The following AGO3 variants were observed in gnomAD, a reference collection of about 807,000 sequenced individuals.
AGO3 encodes the protein argonaute RISC catalytic component 3, also known as protein argonaute-3.
AGO3 carries 16 observed loss-of-function variants against 105.5 expected under a neutral mutation model. The ratio of observed to expected loss-of-function variants is 0.15; its 90% CI spans 0.10 to 0.23. The LOEUF (loss-of-function observed/expected upper bound fraction) is 0.23. Among genes scored for constraint, AGO3 ranks in the 10% least tolerant of loss-of-function variants. The probability of loss-of-function intolerance (pLI) is 1.00; values close to 1 mark genes in which losing one functional copy is unlikely to be tolerated. For missense variants in AGO3, 534 were observed against 1,088.0 expected (o/e 0.49, Z 7.16); for synonymous variants, 340 against 367.3 (o/e 0.93, Z 0.85).
At chr1:35,969,648 T>C (rs1022690094) in intron 3 of AGO3, among the ~76,000 whole-genome samples, 8 of 152,184 alleles carry the variant, frequency 5.3e-5, no homozygotes, top group African/African-American at 1.9e-4. Context: ...CAATCCTGCA[T>C]CACCTAAAAC....
intron 11 of AGO3, among the ~76,000 whole-genome samples, chr1:36,017,388 C>T (rs1032206320): frequency 2.6e-5 from 4 of 152,318 alleles, no homozygotes; most frequent in South Asian, 4.1e-4. Flanking sequence ...TGTATTCCTC[C>T]ATGTTCAATA....
rs149105498 is a variant in AGO3, at chr1:35,979,295, C to T, written c.658+5784C>T. 2.7e-4 allele frequency among the ~76,000 whole-genome samples: 41 copies of T among 151,822 alleles called. No homozygotes were observed. In the East Asian group the frequency reaches 7.0e-3, roughly 26 times the overall value. On this transcript the variant is annotated intron_variant, in intron 5 of 18. Transcript: ENST00000373191. ...AGGAGAATGGCGTGAACCCAGGAGGCGGAGCTTGCAGTGAGCCGAGATCGC... is the reference window on the plus strand; with the variant it reads ...AGGAGAATGGCGTGAACCCAGGAGGTGGAGCTTGCAGTGAGCCGAGATCGC...
At chr1:35,962,443 T>TGAGGCAG (rs1157493626) in intron 2 of AGO3, among the ~76,000 whole-genome samples, 17 of 151,002 alleles carry the variant, frequency 1.1e-4, no homozygotes, top group African/African-American at 4.2e-4. Flanking sequence ...CTCGGGAGGC[T>TGAGGCAG]GAGGCAGGAG....
In AGO3 at chr1:35,972,188, T is replaced by G. The variant is rs1329543193; in HGVS notation, c.477T>G (p.Pro159=). ...LELDKPISTN[P]VHAVDVVLRH... is the part of the protein sequence containing the mutation. ...TAGACAAGCCAATCAGCACTAACCC[T>G]GTCCATGCCGTTGATGTGGTGCTAC... is the stretch of plus-strand genomic sequence containing the variant. The change falls in exon 4 of 19, where the codon CCT becomes CCG. Residue 159 remains proline (P), a synonymous_variant. Coordinates refer to ENST00000373191, the MANE Select transcript of AGO3 (RefSeq NM_024852.4). The G allele has an allele frequency of 6.2e-7, 1 of 1,614,082 alleles. No homozygotes were observed. Among genetic ancestry groups the G allele is most frequent in the East Asian group, 2.2e-5 (1 of 44,880 alleles).
intron 3 of AGO3, among the ~76,000 whole-genome samples, chr1:35,968,394 T>A (rs1044871498): frequency 2.6e-5 from 4 of 152,224 alleles, no homozygotes; most frequent in Admixed American, 2.6e-4. Flanking sequence ...ATTGTCTTTA[T>A]CTTTCAAAAC....
rs930986335 is a variant in AGO3 at position 35,991,272 on chromosome 1, C to T, written c.659-13069C>T. Among the ~76,000 whole-genome samples the T allele has an allele frequency of 6.6e-5, 10 of 151,962 alleles. No homozygotes were observed. In the South Asian group the frequency reaches 8.3e-4, roughly 13 times the overall value. ...ATCGCGCCACTGCACCCAGCTTGGGCGACAGAGTGAGACTCCATCTCCAAA... is the reference window on the plus strand; with the variant it reads ...ATCGCGCCACTGCACCCAGCTTGGGTGACAGAGTGAGACTCCATCTCCAAA... On this transcript the variant is annotated intron_variant, in intron 5 of 18. Transcript: ENST00000373191.
chr1:35,936,271 A>G (rs749956150), intron 1 of AGO3, among the ~76,000 whole-genome samples: 30 of 152,096 alleles, frequency 2.0e-4, no homozygotes, highest in Admixed American at 3.3e-4. Flanking sequence ...AAAAAAACCA[A>G]CTATTGAGAT....
intron 5 of AGO3, among the ~76,000 whole-genome samples, chr1:35,983,706 A>G (rs1647102912): frequency 1.3e-5 from 2 of 152,224 alleles, no homozygotes; most frequent in African/African-American, 4.8e-5. Flanking sequence ...ACTGGCTCCC[A>G]AGAAGGTCAT....
chr1:35,942,829 A>G (rs1228520283), intron 1 of AGO3, among the ~76,000 whole-genome samples: 2 of 151,518 alleles, frequency 1.3e-5, no homozygotes, highest in Non-Finnish European at 2.9e-5. Flanking sequence ...AATCTGCACA[A>G]CTCTTTTCAT....
Position 36,008,399 on chromosome 1 carries a change from A to G in AGO3, c.794-291A>G, listed in dbSNP as rs561925227. Reference sequence around the variant, plus strand: ...GAATTTATTATAAACAGGATTTTTTATTAATGGAAGATTTTGGCCCTTGAT... The same window carrying G: ...GAATTTATTATAAACAGGATTTTTTGTTAATGGAAGATTTTGGCCCTTGAT... On this transcript the variant is annotated intron_variant, in intron 6 of 18. Coordinates refer to ENST00000373191, the MANE Select transcript of AGO3 (RefSeq NM_024852.4). The surrounding 1 kb of genome is among the most constrained non-coding windows in gnomAD (Gnocchi z 5.1). 1.2e-4 allele frequency among the ~76,000 whole-genome samples: 19 copies of G among 152,238 alleles called. No individual in the cohort carries two copies. The highest frequency in any genetic ancestry group is 4.1e-4 in the African/African-American group (17 of 41,542).
chr1:35,948,281 G>A (rs968089012), intron 2 of AGO3, among the ~76,000 whole-genome samples: 3 of 149,922 alleles, frequency 2.0e-5, no homozygotes, highest in Non-Finnish European at 4.4e-5. Context: ...GCAATGGCGC[G>A]ATTTCCGCTC....
At position 36,058,483 on chromosome 1, in the gene AGO3, G is replaced by A. The variant is rs946015106; in HGVS notation, c.*2738G>A. ...GTTCAGAGTATAGATACTACAGATT[G>A]TTTCCAGTGGGCATTGTTGTTAGCC... On this transcript the variant is annotated 3_prime_UTR_variant, in exon 19 of 19. Transcript: ENST00000373191. The A allele has an allele frequency of 7.4e-5, 11 of 147,730 alleles. No individual in the cohort carries two copies. The highest frequency in any genetic ancestry group is 2.5e-4 in the African/African-American group (10 of 39,878). The allele number at this position is 147,730 out of a possible 1,614,324, so 9.2% of individuals were successfully genotyped here.
rs375799510 is a variant in AGO3, at chr1:35,934,012, G to A, written c.19+2567G>A. Reference sequence around the variant, plus strand: ...AGAACTTTGATTTAACAAAAAAAAAGGTGAAATTAGTTAAAAATTAATCAA... The same window carrying A: ...AGAACTTTGATTTAACAAAAAAAAAAGTGAAATTAGTTAAAAATTAATCAA... On this transcript the variant is annotated intron_variant, in intron 1 of 18. Coordinates refer to ENST00000373191, the MANE Select transcript of AGO3 (RefSeq NM_024852.4). Among the ~76,000 whole-genome samples the A allele has an allele frequency of 1.1e-4, 17 of 152,148 alleles. No homozygotes were observed. In the East Asian group the frequency reaches 1.5e-3, roughly 14 times the overall value.
At chr1:35,990,989 C>T (rs1458632567) in intron 5 of AGO3, among the ~76,000 whole-genome samples, 1 of 152,068 alleles carries the variant, frequency 6.6e-6, no homozygotes, top group African/African-American at 2.4e-5. Context: ...CTTACCCAGG[C>T]GGGCTATCTT....
At chr1:35,954,856 T>TA (rs958414839) in intron 2 of AGO3, among the ~76,000 whole-genome samples, 14 of 152,180 alleles carry the variant, frequency 9.2e-5, no homozygotes, top group African/African-American at 3.4e-4. Flanking sequence ...AAAGGTACAG[T>TA]AAAAATATAT....
At chr1:36,011,057 G>T (rs1191700657) in intron 9 of AGO3, among the ~76,000 whole-genome samples, 2 of 152,076 alleles carry the variant, frequency 1.3e-5, no homozygotes, top group Non-Finnish European at 2.9e-5. Context: ...GAAGGAAGGC[G>T]TTACCAATAC....
chr1:35,933,101 A>G (rs1303825830), intron 1 of AGO3, among the ~76,000 whole-genome samples: 2 of 152,196 alleles, frequency 1.3e-5, no homozygotes. Context: ...ATGGATACCC[A>G]TTTAGCTGTC....
rs1399576133 is a variant in AGO3 at position 36,058,003 on chromosome 1, A to G, written c.*2258A>G. Reference sequence around the variant, plus strand: ...AGAAAAAAAAATCATAATGAAAATGAAGTGAAATTGCCTAAATGAGTCCAA... The same window carrying G: ...AGAAAAAAAAATCATAATGAAAATGGAGTGAAATTGCCTAAATGAGTCCAA... On this transcript the variant is annotated 3_prime_UTR_variant, in exon 19 of 19. Transcript: ENST00000373191. 1 of 152,226 alleles carries G rather than the reference A, an allele frequency of 6.6e-6. No homozygotes were observed. Among genetic ancestry groups the G allele is most frequent in the Non-Finnish European group, 1.5e-5 (1 of 68,050 alleles). 9.4% of individuals were successfully genotyped at this position (152,226 alleles called of 1,614,324 possible).
chr1:36,050,695 G>T (rs1642677913), intron 17 of AGO3, among the ~76,000 whole-genome samples: 1 of 151,196 alleles, frequency 6.6e-6, no homozygotes, highest in African/African-American at 2.4e-5. Flanking sequence ...AAGAGGCTGA[G>T]GCAGGAGAAT....
Sources: gnomAD v4.1 joint callset for allele counts (sites outside exome capture counted in the v4.1 genomes callset) on GRCh38, gnomAD v4.1.1 for gene constraint, Gnocchi (gnomAD v3.1) non-coding constraint, MANE v1.5 for transcripts, NCBI Gene and HGNC (gene_info 2026-07-23, HGNC 2026-07-21) for gene names.